ARID4B: variants seen among roughly 807,000 people sequenced by gnomAD.
The protein encoded by ARID4B is AT-rich interactive domain-containing protein 4B.
Under a neutral mutation model 147.5 loss-of-function variants are expected in ARID4B, and 26 were observed. That is an observed-to-expected ratio of 0.18 (90% CI 0.13 to 0.24). The LOEUF (loss-of-function observed/expected upper bound fraction) is 0.24. Ranked by LOEUF, ARID4B falls within the 10% of genes least tolerant of loss-of-function variation. The pLI is 1.00. For synonymous variants in ARID4B, 512 were observed against 507.9 expected (o/e 1.01, Z -0.11); for missense variants, 1,179 against 1,511.5 (o/e 0.78, Z 3.65).
intron 2 of ARID4B, among the ~76,000 whole-genome samples, chr1:235,272,867 AGAT>A (rs1249565944): frequency 6.6e-6 from 1 of 152,206 alleles, no homozygotes; most frequent in Non-Finnish European, 1.5e-5. Flanking sequence ...CTTAACAATC[AGAT>A]CACGTAGAAA....
At chr1:235,201,952 T>C (rs967871159) in intron 17 of ARID4B, among the ~76,000 whole-genome samples, 2 of 151,578 alleles carry the variant, frequency 1.3e-5, no homozygotes, top group Non-Finnish European at 2.9e-5. Flanking sequence ...GCAATACAGT[T>C]TTCTGAAAAT....
chr1:235,192,155 T>C (rs1365913256), intron 19 of ARID4B, among the ~76,000 whole-genome samples: 1 of 152,238 alleles, frequency 6.6e-6, no homozygotes, highest in African/African-American at 2.4e-5. Flanking sequence ...GATAATTCAA[T>C]TCTGAAGAAA....
intron 2 of ARID4B, among the ~76,000 whole-genome samples, chr1:235,262,759 G>C (rs1205547042): frequency 6.6e-6 from 1 of 151,926 alleles, no homozygotes; most frequent in Non-Finnish European, 1.5e-5. Context: ...TTGAGCTCAG[G>C]AGTTCAAGAT....
At chr1:235,298,095 C>T (rs934507782) in intron 2 of ARID4B, among the ~76,000 whole-genome samples, 3 of 151,930 alleles carry the variant, frequency 2.0e-5, no homozygotes, top group Non-Finnish European at 4.4e-5. Flanking sequence ...AGATACATAC[C>T]GAAATACATA....
chr1:235,213,957 T>G lies in ARID4B; in HGVS notation c.1653A>C (p.Glu551Asp), dbSNP rs753463287. 1 of 1,601,244 alleles carries G rather than the reference T, an allele frequency of 6.2e-7. No homozygotes were observed. The highest frequency in any genetic ancestry group is 8.6e-7 in the Non-Finnish European group (1 of 1,169,120). The change falls in exon 17 of 24, where the codon GAA (glutamate) becomes GAC (aspartate). Residue 551 changes from glutamate (E) to aspartate (D), a missense_variant. Physicochemically the swap from Glu to Asp is conservative, Grantham distance 45 (BLOSUM62 2). This residue lies in a region of ARID4B where 204 missense variants were observed against 210.9 expected (regional missense o/e 0.97). Coordinates refer to ENST00000264183, the MANE Select transcript of ARID4B (RefSeq NM_016374.6). ...EAEEEEEEEE[E>D]EEDEDDDDNN... ...TGTCATCATCATCTTCATCCTCTTCTTCTTCTTCCTCCTCCTCCTCCTCTT... is the reference window on the plus strand; with the variant it reads ...TGTCATCATCATCTTCATCCTCTTCGTCTTCTTCCTCCTCCTCCTCCTCTT...
At chr1:235,218,105 C>G (rs1244939497) in intron 16 of ARID4B, among the ~76,000 whole-genome samples, 1 of 152,136 alleles carries the variant, frequency 6.6e-6, no homozygotes, top group Non-Finnish European at 1.5e-5. Flanking sequence ...CACCTGTTTT[C>G]AGACCACAGT....
rs564597236 is a variant in ARID4B, at chr1:235,298,501, C to CAT, written c.6+28411_6+28412dup. ...AATATAACGTATATTTATATATATC[C>CAT]ATATATATGAATATAACGTATATTT... On this transcript the variant is annotated intron_variant, in intron 2 of 23. Transcript: ENST00000264183. Among the ~76,000 whole-genome samples, 10 of 147,540 alleles carry CAT rather than the reference C, an allele frequency of 6.8e-5. No individual in the cohort carries two copies. The South Asian group carries it at 1.9e-3, about 28-fold the overall frequency.
intron 2 of ARID4B, among the ~76,000 whole-genome samples, chr1:235,289,636 ATCACTTGAGCCTGGGAGGTTCAAGGC>A (rs1572163754): frequency 6.6e-6 from 1 of 151,568 alleles, no homozygotes; most frequent in East Asian, 1.9e-4. Flanking sequence ...AGGTGGGAGG[ATCACTTGAGCCTGGGAGGTTCAAGGC>A]TGCAGTAAGC....
intron 2 of ARID4B, among the ~76,000 whole-genome samples, chr1:235,279,660 T>C (rs913053646): frequency 6.6e-6 from 1 of 152,206 alleles, no homozygotes; most frequent in Non-Finnish European, 1.5e-5. Context: ...AAGCTGGCCC[T>C]TGGCTAAGAA....
intron 2 of ARID4B, among the ~76,000 whole-genome samples, chr1:235,284,355 G>A (rs1356383852): frequency 2.6e-5 from 4 of 152,244 alleles, no homozygotes; most frequent in South Asian, 2.1e-4. Context: ...GCGAGACTCC[G>A]TCTCTGGGGG....
At chr1:235,295,580 G>C (rs1339627814) in intron 2 of ARID4B, among the ~76,000 whole-genome samples, 2 of 151,772 alleles carry the variant, frequency 1.3e-5, no homozygotes, top group African/African-American at 4.8e-5. Context: ...GGGAGGCCAA[G>C]GCAGGCGGAT....
intron 2 of ARID4B, among the ~76,000 whole-genome samples, chr1:235,307,748 C>A (rs955588974): frequency 7.9e-5 from 12 of 152,320 alleles, no homozygotes; most frequent in African/African-American, 2.9e-4. Flanking sequence ...GGCAATATAA[C>A]CAGAGGATTC....
Position 235,240,892 on chromosome 1 carries a change from T to C in ARID4B, c.447-441A>G, listed in dbSNP as rs16832494. On this transcript the variant is annotated intron_variant, in intron 7 of 23. Coordinates refer to ENST00000264183, the MANE Select transcript of ARID4B (RefSeq NM_016374.6). Reference sequence around the variant, plus strand: ...CAGACCTTTATTAACTGAGGTTAGGTTGGGAAGAGGAGGCAATCTGAAAAG... The same window carrying C: ...CAGACCTTTATTAACTGAGGTTAGGCTGGGAAGAGGAGGCAATCTGAAAAG... 1.3e-4 allele frequency among the ~76,000 whole-genome samples: 20 copies of C among 152,242 alleles called. 1 individual carries two copies. In the East Asian group the frequency reaches 3.9e-3, roughly 29 times the overall value.
intron 16 of ARID4B, among the ~76,000 whole-genome samples, chr1:235,218,837 T>C (rs1175696210): frequency 6.6e-6 from 1 of 151,858 alleles, no homozygotes; most frequent in Non-Finnish European, 1.5e-5. Flanking sequence ...GTCTGCATAC[T>C]GTGGCCAAAT....
chr1:235,228,796 C>T (rs529564733), intron 11 of ARID4B: 75 of 158,756 alleles, frequency 4.7e-4, no homozygotes, highest in Non-Finnish European at 9.1e-4. Context: ...CAGGTGCCCA[C>T]CACCACCCCC....
rs555099729 is a variant in ARID4B at position 235,291,253 on chromosome 1, A to G, written c.7-30501T>C. On this transcript the variant is annotated intron_variant, in intron 2 of 23. Coordinates refer to ENST00000264183, the MANE Select transcript of ARID4B (RefSeq NM_016374.6). The stretch of plus-strand genomic sequence containing the variant: ...CTACTAAAAATAAAAAAAATTAAAA[A>G]TAAATTAGCTGGGCATGGTGGCGGG... Among the ~76,000 whole-genome samples, 3 of 151,768 alleles carry G rather than the reference A, an allele frequency of 2.0e-5. No individual in the cohort carries two copies. The East Asian group carries it at 5.8e-4, about 29-fold the overall frequency.
At chr1:235,197,987 C>A (rs1415280480) in intron 17 of ARID4B, among the ~76,000 whole-genome samples, 1 of 152,162 alleles carries the variant, frequency 6.6e-6, no homozygotes, top group Non-Finnish European at 1.5e-5. Flanking sequence ...AAAGAAAACA[C>A]CTCCATCCTC....
rs1320161144 is a variant in ARID4B at position 235,253,728 on chromosome 1, T to C, written c.275-919A>G. ...TTGTATTATATGCATAAATCTGTGA[T>C]ATACATAAATAATTTAGGGATATGC... On this transcript the variant is annotated intron_variant, in intron 5 of 23. Transcript: ENST00000264183. 3.9e-5 allele frequency among the ~76,000 whole-genome samples: 6 copies of C among 152,216 alleles called. No homozygotes were observed. The South Asian group carries it at 1.2e-3, about 31-fold the overall frequency.
chr1:235,213,534 A>G (rs1260751399), intron 17 of ARID4B, among the ~76,000 whole-genome samples: 1 of 152,202 alleles, frequency 6.6e-6, no homozygotes, highest in Non-Finnish European at 1.5e-5. Context: ...GTAGTACATA[A>G]AAATCAAGTG....
Sources: gnomAD v4.1 joint callset for allele counts (sites outside exome capture counted in the v4.1 genomes callset) on GRCh38, gnomAD v4.1.1 for gene constraint, gnomAD v4.1.1 regional missense constraint, MANE v1.5 for transcripts, NCBI Gene and HGNC (gene_info 2026-07-23, HGNC 2026-07-21) for gene names.